Variants in MCTP1 observed in about 807,000 individuals in gnomAD.
MCTP1 encodes the protein multiple C2 and transmembrane domain containing 1.
A neutral mutation model predicts 120.6 loss-of-function variants in MCTP1; 69 were observed. The ratio of observed to expected loss-of-function variants is 0.57; its 90% CI spans 0.47 to 0.70. The LOEUF (loss-of-function observed/expected upper bound fraction) is 0.70, where lower values mean the gene tolerates loss of function less well. MCTP1 is among the 30% of genes least tolerant of loss of function. The probability of loss-of-function intolerance (pLI) is 0.00; values close to 1 mark genes in which losing one functional copy is unlikely to be tolerated. For synonymous variants in MCTP1, 529 were observed against 493.1 expected, an observed-to-expected ratio of 1.07 and a Z score of -0.96; for missense variants, 1,203 against 1,248.8, an observed-to-expected ratio of 0.96 and a Z score of 0.55.
In MCTP1 at chr5:95,285,039, G is replaced by T. The variant is rs1760636180; in HGVS notation, c.-464C>A. ...CCTCTGGGCAGCACCTGTCAGCGGC[G>T]GGGGCGGCTGCCTCCAAATTGGGCG... On this transcript the variant is annotated 5_prime_UTR_variant, in exon 1 of 23. Coordinates refer to ENST00000515393, the MANE Select transcript of MCTP1 (RefSeq NM_024717.7). Among the ~76,000 whole-genome samples the T allele has an allele frequency of 1.3e-5, 2 of 152,180 alleles. No homozygotes were observed. The highest frequency in any genetic ancestry group is 4.8e-5 in the African/African-American group (2 of 41,452).
intron 1 of MCTP1, chr5:95,081,455 C>A (rs1454066413): frequency 6.2e-7 from 1 of 1,611,768 alleles, no homozygotes; most frequent in South Asian, 1.1e-5. Flanking sequence ...AAATTGCAGG[C>A]ACTTTTCAGC....
At chr5:95,172,352 T>C (rs183978113) in intron 1 of MCTP1, among the ~76,000 whole-genome samples, 77 of 152,332 alleles carry the variant, frequency 5.1e-4, no homozygotes, top group African/African-American at 1.8e-3. Context: ...TACTTGTGGG[T>C]CAGGGACCCA....
intron 1 of MCTP1, among the ~76,000 whole-genome samples, chr5:95,114,023 A>C (rs1054005959): frequency 1.3e-5 from 2 of 152,172 alleles, no homozygotes; most frequent in Non-Finnish European, 2.9e-5. Context: ...TGACATTTCT[A>C]GACATATTCT....
At chr5:94,894,506 G>C in intron 11 of MCTP1, 143 bp downstream of exon 11, 1 of 531,752 alleles carries the variant, frequency 1.9e-6, no homozygotes. Context: ...GGTCTGTGTG[G>C]CATTTGTTTT....
chr5:94,708,338 C>G, intron 22 of MCTP1, 174 bp downstream of exon 22: 1 of 482,364 alleles, frequency 2.1e-6, no homozygotes, highest in African/African-American at 2.0e-5. Flanking sequence ...GTAAGTGCTT[C>G]TTGGATAACA....
At chr5:95,217,604 G>C (rs1033082487) in intron 1 of MCTP1, among the ~76,000 whole-genome samples, 27 of 152,134 alleles carry the variant, frequency 1.8e-4, no homozygotes, top group African/African-American at 5.3e-4. Flanking sequence ...TAATTTCTGT[G>C]AGAACAATGG....
intron 1 of MCTP1, among the ~76,000 whole-genome samples, chr5:95,274,967 AC>A (rs991958374): frequency 1.3e-5 from 2 of 151,514 alleles, no homozygotes; most frequent in Non-Finnish European, 2.9e-5. Flanking sequence ...ATTTCCACAT[AC>A]CCCCGCAACC....
chr5:94,811,345 C>G (rs1053580319), intron 17 of MCTP1, among the ~76,000 whole-genome samples: 1 of 152,166 alleles, frequency 6.6e-6, no homozygotes, highest in Non-Finnish European at 1.5e-5. Context: ...TCTAAACATT[C>G]TCTTAAATGC....
At chr5:95,066,920 C>T (rs983506123) in intron 1 of MCTP1, among the ~76,000 whole-genome samples, 2 of 152,148 alleles carry the variant, frequency 1.3e-5, no homozygotes, top group African/African-American at 2.4e-5. Flanking sequence ...CCCTCACATG[C>T]GCAGTTCACA....
Position 95,276,251 on chromosome 5 carries a change from ATTTT to A in MCTP1, c.720+7601_720+7604del, listed in dbSNP as rs34667866. Among the ~76,000 whole-genome samples, 82 of 84,778 alleles carry A rather than the reference ATTTT, an allele frequency of 9.7e-4. 1 individual carries two copies. Among genetic ancestry groups the A allele is most frequent in the Middle Eastern group, 0.02 (2 of 98 alleles). 55.6% of individuals were successfully genotyped at this position (84,778 alleles called of 152,430 possible). On this transcript the variant is annotated intron_variant, in intron 1 of 22. Transcript: ENST00000515393. ...GACAGGATTCTTGGTCAATATTGGG[ATTTT>A]TTTTTTTTTTTTTTTTTTTTTTGAT... is the stretch of plus-strand genomic sequence containing the variant.
intron 11 of MCTP1, 76 bp from the exon 12 acceptor site, chr5:94,889,048 A>G: frequency 1.0e-6 from 1 of 963,364 alleles, no homozygotes; most frequent in South Asian, 1.4e-5. Context: ...AAAACATTAC[A>G]TTTTTTAGTT....
chr5:94,708,732 CTTTTTCTCCTTCATT>C lies in MCTP1; in HGVS notation c.2831-138_2831-124del, dbSNP rs1755621773. On this transcript the variant is annotated intron_variant, in intron 21 of 22. Coordinates refer to ENST00000515393, the MANE Select transcript of MCTP1 (RefSeq NM_024717.7). ...CACCCAGTTTTTTCCCCCTCTTCCT[CTTTTTCTCCTTCATT>C]TCTTCCTCCTTTCCAGCTCAACTGC... 8.7e-6 allele frequency: 5 copies of C among 577,398 alleles called. No individual in the cohort carries two copies. The South Asian group carries it at 1.2e-4, about 13-fold the overall frequency. The allele number at this position is 577,398 out of a possible 1,614,324, so 35.8% of individuals were successfully genotyped here.
chr5:94,742,333 G>A (rs1580418486), intron 19 of MCTP1, among the ~76,000 whole-genome samples: 1 of 152,274 alleles, frequency 6.6e-6, no homozygotes, highest in East Asian at 1.9e-4. Flanking sequence ...GGGATTACAG[G>A]GGTGCACTGC....
intron 7 of MCTP1, among the ~76,000 whole-genome samples, chr5:94,922,997 C>CAAAAAAAAAAAAAAAAAAAAAAAAAAAA (rs202245253): frequency 1.0e-5 from 1 of 99,548 alleles, no homozygotes; most frequent in South Asian, 3.6e-4. Context: ...TAAAAAGCTG[C>CAAAAAAAAAAAAAAAAAAAAAAAAAAAA]AAAAAAAAAA....
At chr5:95,141,938 T>G (rs1020143474) in intron 1 of MCTP1, among the ~76,000 whole-genome samples, 1 of 152,222 alleles carries the variant, frequency 6.6e-6, no homozygotes, top group Admixed American at 6.5e-5. Flanking sequence ...AAGCCTTTAC[T>G]TACTACCAGT....
At chr5:94,776,740 A>C (rs1160120707) in intron 19 of MCTP1, among the ~76,000 whole-genome samples, 1 of 152,130 alleles carries the variant, frequency 6.6e-6, no homozygotes, top group African/African-American at 2.4e-5. Context: ...ATGAAATTCC[A>C]TTACCCATGA....
chr5:94,973,193 G>T (rs979656498), intron 2 of MCTP1, among the ~76,000 whole-genome samples: 10 of 152,132 alleles, frequency 6.6e-5, no homozygotes, highest in Non-Finnish European at 1.5e-4. Context: ...GTAAGCAGTG[G>T]CAGCTCTAGA....
intron 1 of MCTP1, among the ~76,000 whole-genome samples, chr5:95,254,727 A>G (rs918445147): frequency 6.6e-6 from 1 of 152,184 alleles, no homozygotes; most frequent in African/African-American, 2.4e-5. Flanking sequence ...AATCCTCTCT[A>G]TGTACTATAT....
At chr5:95,040,079 A>G (rs1842072649) in intron 1 of MCTP1, among the ~76,000 whole-genome samples, 1 of 152,148 alleles carries the variant, frequency 6.6e-6, no homozygotes, top group Non-Finnish European at 1.5e-5. Context: ...TTACAGAAAA[A>G]TATACAATTC....
Sources: gnomAD v4.1 joint callset for allele counts (sites outside exome capture counted in the v4.1 genomes callset) on GRCh38, gnomAD v4.1.1 for gene constraint, MANE v1.5 for transcripts, NCBI Gene and HGNC (gene_info 2026-07-23, HGNC 2026-07-21) for gene names.